The following NFIL3 variants were observed in gnomAD, a reference collection of about 807,000 sequenced individuals.
NFIL3 encodes the protein nuclear factor interleukin-3-regulated protein.
Under a neutral mutation model 10.0 loss-of-function variants are expected in NFIL3, and 5 were observed. The observed-to-expected ratio is 0.50, with a 90% CI of 0.26 to 1.06. The LOEUF (loss-of-function observed/expected upper bound fraction) is 1.06. NFIL3 is among the 50% of genes least tolerant of loss of function. NFIL3 has a pLI of 0.13. For missense variants in NFIL3, 436 were observed against 547.6 expected (o/e 0.80, Z 2.03); for synonymous variants, 202 against 206.5 (o/e 0.98, Z 0.19).
At chr9:91,477,461 C>T in the NFIL3 span, among the ~76,000 whole-genome samples, 12 of 152,158 alleles carry the variant, frequency 7.9e-5, no homozygotes, top group Admixed American at 5.9e-4. Flanking sequence ...ATTATCTCTG[C>T]AAAATCCCTT....
At chr9:91,428,499 C>T (rs1361821185), upstream of NFIL3, among the ~76,000 whole-genome samples, 1 of 152,204 alleles carries the variant, frequency 6.6e-6, no homozygotes. Flanking sequence ...CCTTCTTTTT[C>T]AAAAACTAGC....
At chr9:91,462,273 A>G in the NFIL3 span, among the ~76,000 whole-genome samples, 5 of 152,268 alleles carry the variant, frequency 3.3e-5, no homozygotes, top group South Asian at 1.0e-3. Flanking sequence ...GAGAGTGGAC[A>G]TCCTTGCCTT....
chr9:91,465,664 GC>G, the NFIL3 span, among the ~76,000 whole-genome samples: 1 of 151,482 alleles, frequency 6.6e-6, no homozygotes, highest in African/African-American at 2.4e-5. Flanking sequence ...CTTTTAGCAT[GC>G]CTTTAAATTT....
chr9:91,460,221 G>GAAGA, the NFIL3 span, among the ~76,000 whole-genome samples: 1 of 144,908 alleles, frequency 6.9e-6, no homozygotes, highest in Non-Finnish European at 1.5e-5. Context: ...AGGGAAAAAA[G>GAAGA]AAGAAAGAAA....
upstream of NFIL3, among the ~76,000 whole-genome samples, chr9:91,425,432 C>T (rs556196060): frequency 7.1e-4 from 108 of 152,272 alleles, no homozygotes; most frequent in Non-Finnish European, 1.2e-3. Context: ...TGGTTTTGAA[C>T]GCACTCTTGT....
the NFIL3 span, among the ~76,000 whole-genome samples, chr9:91,436,300 G>A: frequency 1.3e-5 from 2 of 152,142 alleles, no homozygotes; most frequent in Non-Finnish European, 2.9e-5. Context: ...AGGTGGGGCC[G>A]GGCGCGGTGG....
At chr9:91,436,756 G>T in the NFIL3 span, among the ~76,000 whole-genome samples, 1 of 152,142 alleles carries the variant, frequency 6.6e-6, no homozygotes, top group African/African-American at 2.4e-5. Context: ...TTGGAGACAG[G>T]CTCTATAACC....
At chr9:91,482,223 C>CA in the NFIL3 span, among the ~76,000 whole-genome samples, 1 of 151,978 alleles carries the variant, frequency 6.6e-6, no homozygotes, top group Admixed American at 6.5e-5. Context: ...TTTGGCCTGG[C>CA]AAAAAACTAC....
chr9:91,457,346 T>A, the NFIL3 span, among the ~76,000 whole-genome samples: 1 of 152,040 alleles, frequency 6.6e-6, no homozygotes, highest in Non-Finnish European at 1.5e-5. Flanking sequence ...TCTTCCAAGC[T>A]GTAAACACTT....
chr9:91,443,954 T>C, the NFIL3 span, among the ~76,000 whole-genome samples: 2 of 152,238 alleles, frequency 1.3e-5, no homozygotes, highest in African/African-American at 2.4e-5. Context: ...GCTTCATGAA[T>C]CTAGACATTA....
the NFIL3 span, among the ~76,000 whole-genome samples, chr9:91,447,867 T>C: frequency 6.6e-6 from 1 of 152,220 alleles, no homozygotes; most frequent in Non-Finnish European, 1.5e-5. Flanking sequence ...TTTTTCCCTT[T>C]TGTTAATTGT....
chr9:91,460,951 C>A, the NFIL3 span, among the ~76,000 whole-genome samples: 2 of 152,212 alleles, frequency 1.3e-5, no homozygotes, highest in African/African-American at 4.8e-5. Flanking sequence ...AAATTAAATG[C>A]TACATTGCCA....
the NFIL3 span, among the ~76,000 whole-genome samples, chr9:91,444,094 C>G: frequency 6.6e-6 from 1 of 152,122 alleles, no homozygotes; most frequent in Non-Finnish European, 1.5e-5. Flanking sequence ...TTACATAAGT[C>G]CAACAGGCTT....
intron 1 of NFIL3, among the ~76,000 whole-genome samples, chr9:91,419,063 A>T (rs984004121): frequency 6.6e-6 from 1 of 152,204 alleles, no homozygotes; most frequent in East Asian, 1.9e-4. Context: ...AGGATATCAA[A>T]CAATGTATTA....
At chr9:91,462,024 G>C in the NFIL3 span, among the ~76,000 whole-genome samples, 1 of 152,016 alleles carries the variant, frequency 6.6e-6, no homozygotes, top group Admixed American at 6.6e-5. Flanking sequence ...TTATTCAATG[G>C]GTACTTAAAA....
the NFIL3 span, among the ~76,000 whole-genome samples, chr9:91,470,418 C>CTTTTTTCTTCTT: frequency 8.4e-6 from 1 of 119,662 alleles, no homozygotes; most frequent in Admixed American, 8.6e-5. Context: ...TGATTCTTCT[C>CTTTTTTCTTCTT]TATTAGTCTT....
chr9:91,458,763 T>A, the NFIL3 span, among the ~76,000 whole-genome samples: 1 of 152,190 alleles, frequency 6.6e-6, no homozygotes, highest in Admixed American at 6.6e-5. Context: ...TTTGCTTATT[T>A]GGGAGTCCAA....
At chr9:91,460,271 CTTTTTTTT>C in the NFIL3 span, among the ~76,000 whole-genome samples, 1 of 70,444 alleles carries the variant, frequency 1.4e-5, no homozygotes, top group Non-Finnish European at 2.4e-5. Flanking sequence ...GGGCTTGGTT[CTTTTTTTT>C]TTTTTTTTTT....
At chr9:91,472,616 TC>T in the NFIL3 span, among the ~76,000 whole-genome samples, 2 of 152,202 alleles carry the variant, frequency 1.3e-5, no homozygotes, top group Admixed American at 1.3e-4. Context: ...TAATCTTTTT[TC>T]AAGGTTTCTA....
Sources: allele counts gnomAD v4.1 joint callset (sites outside exome capture counted in the v4.1 genomes callset), GRCh38; gene constraint gnomAD v4.1.1; transcripts MANE v1.5; gene names NCBI Gene and HGNC (gene_info 2026-07-23, HGNC 2026-07-21).